CPLX2: variants seen among roughly 807,000 people sequenced by gnomAD.
CPLX2 encodes the protein complexin-2.
CPLX2 carries 5 observed loss-of-function variants against 16.3 expected under a neutral mutation model. That is an observed-to-expected ratio of 0.31 (90% CI 0.16 to 0.64). CPLX2 has a LOEUF of 0.64. Ranked by LOEUF, CPLX2 falls within the 30% of genes least tolerant of loss-of-function variation. The pLI is 0.79. For missense variants in CPLX2, 144 were observed against 181.4 expected, an observed-to-expected ratio of 0.79 and a Z score of 1.18; for synonymous variants, 89 against 73.2, an observed-to-expected ratio of 1.22 and a Z score of -1.10.
At chr5:175,855,895 G>A (rs80089208) in intron 2 of CPLX2, among the ~76,000 whole-genome samples, 1,945 of 152,070 alleles carry the variant, frequency 0.013, 39 homozygotes, top group African/African-American at 0.045. Context: ...GTGCTATACG[G>A]AAGAAAGGCT....
At chr5:175,820,681 T>C (rs1758489981) in intron 2 of CPLX2, among the ~76,000 whole-genome samples, 1 of 152,184 alleles carries the variant, frequency 6.6e-6, no homozygotes, top group South Asian at 2.1e-4. Context: ...ACAGCCCGTG[T>C]GACTGTCTCA....
chr5:175,839,151 GC>G (rs1337529222), intron 2 of CPLX2, among the ~76,000 whole-genome samples: 1 of 152,074 alleles, frequency 6.6e-6, no homozygotes, highest in African/African-American at 2.4e-5. Flanking sequence ...TCCCACCTTA[GC>G]TCTTGAGTAG....
chr5:175,869,050 T>C (rs1399806768), upstream of CPLX2, among the ~76,000 whole-genome samples: 7 of 152,194 alleles, frequency 4.6e-5, no homozygotes, highest in African/African-American at 1.7e-4. Context: ...ATTTTAATCA[T>C]TAGGAAAGAC....
At chr5:175,840,024 G>A (rs959039726) in intron 2 of CPLX2, among the ~76,000 whole-genome samples, 6 of 152,166 alleles carry the variant, frequency 3.9e-5, no homozygotes, top group African/African-American at 1.4e-4. Context: ...TAAACATATA[G>A]TATATTATAG....
chr5:175,877,702 G>C (rs961143706), intron 1 of CPLX2, among the ~76,000 whole-genome samples: 3 of 152,198 alleles, frequency 2.0e-5, no homozygotes, highest in Non-Finnish European at 4.4e-5. Flanking sequence ...GATGTAGGGG[G>C]AAGATGGTAA....
At chr5:175,874,332 C>T (rs933189816) in intron 1 of CPLX2, among the ~76,000 whole-genome samples, 1 of 152,140 alleles carries the variant, frequency 6.6e-6, no homozygotes, top group Admixed American at 6.5e-5. Flanking sequence ...AATTCTCCCT[C>T]GGCACCCCCA....
chr5:175,845,010 C>T lies in CPLX2; in HGVS notation c.-88-33642C>T, dbSNP rs1400042228. 6.6e-6 allele frequency among the ~76,000 whole-genome samples: 1 copy of T among 152,222 alleles called. No homozygotes were observed. Among genetic ancestry groups the T allele is most frequent in the Non-Finnish European group, 1.5e-5 (1 of 68,040 alleles). ...CTTTTGGCTGCCCCTCTGCCCAGAA[C>T]ATTCCCTAACAAGGACCAGTTCTTA... is the stretch of plus-strand genomic sequence containing the variant. On this transcript the variant is annotated intron_variant, in intron 2 of 4. Transcript: ENST00000359546. The surrounding 1 kb of genome is among the most constrained non-coding windows in gnomAD (Gnocchi z 4.0).
intron 2 of CPLX2, among the ~76,000 whole-genome samples, chr5:175,837,341 T>A (rs1224158567): frequency 1.3e-5 from 2 of 152,322 alleles, no homozygotes; most frequent in East Asian, 3.9e-4. Context: ...CCCTCCCCTC[T>A]TCACCTGGAG....
intron 2 of CPLX2, among the ~76,000 whole-genome samples, chr5:175,823,784 T>A (rs763557186): frequency 1.2e-3 from 188 of 152,306 alleles, no homozygotes; most frequent in Non-Finnish European, 2.2e-3. Context: ...GGCCACTACT[T>A]GAGGTGACAG....
At chr5:175,875,299 G>A (rs1373450673) in intron 1 of CPLX2, among the ~76,000 whole-genome samples, 1 of 152,180 alleles carries the variant, frequency 6.6e-6, no homozygotes, top group Non-Finnish European at 1.5e-5. Flanking sequence ...GTGAGGAAGA[G>A]GGAGTGGTGA....
intron 2 of CPLX2, among the ~76,000 whole-genome samples, chr5:175,833,313 G>A (rs1758765605): frequency 6.6e-6 from 1 of 152,188 alleles, no homozygotes; most frequent in African/African-American, 2.4e-5. Flanking sequence ...TTTTGCAGAT[G>A]AGAAGGGCTG....
rs568210442 is a variant in CPLX2 at position 175,874,463 on chromosome 5, C to T, written c.-89+2758C>T. Among the ~76,000 whole-genome samples, 106 of 152,198 alleles carry T rather than the reference C, an allele frequency of 7.0e-4. 1 individual carries two copies. The highest frequency in any genetic ancestry group is 2.4e-3 in the African/African-American group (100 of 41,516). On this transcript the variant is annotated intron_variant, in intron 1 of 3. Transcript: ENST00000393745. ...CTTGTTCCCTGCCACAGCCCCAGCACCCAGAACAGTGTCTGGCAGAAAGTA... is the reference window on the plus strand; with the variant it reads ...CTTGTTCCCTGCCACAGCCCCAGCATCCAGAACAGTGTCTGGCAGAAAGTA...
intron 2 of CPLX2, among the ~76,000 whole-genome samples, chr5:175,824,147 T>A (rs1048428640): frequency 6.6e-6 from 1 of 152,226 alleles, no homozygotes; most frequent in Admixed American, 6.5e-5. Flanking sequence ...GACGCCTTTT[T>A]TTCTTTCCCT....
rs2113656450 is a variant in CPLX2, at chr5:175,830,288, C to A, written c.-89+21220C>A. Among the ~76,000 whole-genome samples the A allele has an allele frequency of 6.6e-6, 1 of 152,262 alleles. No homozygotes were observed. The highest frequency in any genetic ancestry group is 2.1e-4 in the South Asian group (1 of 4,830). On this transcript the variant is annotated intron_variant, in intron 2 of 4. Transcript: ENST00000359546. This position sits in a 1 kb window ranked among gnomAD's most constrained non-coding sequence, Gnocchi z 4.0. ...ATCTTTTGTGGCTGAATTTTCACAA[C>A]TCATGAGAGAGGAAGAGATGATTAG...
intron 2 of CPLX2, among the ~76,000 whole-genome samples, chr5:175,822,405 C>T (rs2113646576): frequency 6.6e-6 from 1 of 152,320 alleles, no homozygotes; most frequent in Admixed American, 6.5e-5. Flanking sequence ...TTCATTTCAT[C>T]ATCTGGAAAC....
At position 175,872,610 on chromosome 5, in the gene CPLX2, T is replaced by G. The variant is rs1759656914; in HGVS notation, c.-89+905T>G. 5.3e-5 allele frequency among the ~76,000 whole-genome samples: 8 copies of G among 152,028 alleles called. No individual in the cohort carries two copies. Among genetic ancestry groups the G allele is most frequent in the Admixed American group, 5.2e-4 (8 of 15,274 alleles). On this transcript the variant is annotated intron_variant, in intron 1 of 3. Coordinates refer to ENST00000393745, the MANE Select transcript of CPLX2 (RefSeq NM_001008220.2). The surrounding 1 kb of genome is among the most constrained non-coding windows in gnomAD (Gnocchi z 5.0). ...GGGAACCCCCGGCCACTTCCGCTTT[T>G]CAGCCGGAGTCGGCTCCCTACCTCC...
chr5:175,859,826 G>A (rs1018679508), intron 2 of CPLX2, among the ~76,000 whole-genome samples: 3 of 152,212 alleles, frequency 2.0e-5, no homozygotes, highest in African/African-American at 7.2e-5. Context: ...CTTTGAATGT[G>A]AGAATATTAA....
chr5:175,823,633 C>T (rs141179887), intron 2 of CPLX2, among the ~76,000 whole-genome samples: 246 of 152,242 alleles, frequency 1.6e-3, no homozygotes, highest in African/African-American at 5.8e-3. Flanking sequence ...AATACAGAGA[C>T]TATAATGGAG....
chr5:175,816,667 G>A (rs541179428), intron 2 of CPLX2, among the ~76,000 whole-genome samples: 4 of 152,222 alleles, frequency 2.6e-5, no homozygotes, highest in Non-Finnish European at 4.4e-5. Flanking sequence ...CTTGGGCTAT[G>A]CGTGGGGCAG....
Sources: gnomAD v4.1 joint callset for allele counts (sites outside exome capture counted in the v4.1 genomes callset) on GRCh38, gnomAD v4.1.1 for gene constraint, Gnocchi (gnomAD v3.1) non-coding constraint, MANE v1.5 for transcripts, NCBI Gene and HGNC (gene_info 2026-07-23, HGNC 2026-07-21) for gene names.